TENM3: variants seen among roughly 807,000 people sequenced by gnomAD.
TENM3 encodes teneurin-3.
Under a neutral mutation model 255.1 loss-of-function variants are expected in TENM3, and 63 were observed. That is an observed-to-expected ratio of 0.25 (90% CI 0.20 to 0.30). The LOEUF (loss-of-function observed/expected upper bound fraction) is 0.30. Among genes scored for constraint, TENM3 ranks in the 10% least tolerant of loss-of-function variants. TENM3 has a pLI of 1.00. For missense variants in TENM3, 2,929 were observed against 3,461.1 expected, an observed-to-expected ratio of 0.85 and a Z score of 3.86; for synonymous variants, 1,306 against 1,322.3, an observed-to-expected ratio of 0.99 and a Z score of 0.27.
chr4:181,930,706 A>C, the TENM3 span, among the ~76,000 whole-genome samples: 967 of 152,284 alleles, frequency 6.3e-3, 6 homozygotes, highest in African/African-American at 0.022. Flanking sequence ...TGGCAGACAC[A>C]CAACAAAAAA....
chr4:181,586,248 A>G, the TENM3 span, among the ~76,000 whole-genome samples: 4 of 152,160 alleles, frequency 2.6e-5, no homozygotes, highest in African/African-American at 7.2e-5. Flanking sequence ...TCACGCAGCT[A>G]ATGATCACGA....
intron 1 of TENM3, among the ~76,000 whole-genome samples, chr4:182,216,588 G>A (rs1458524901): frequency 6.6e-5 from 10 of 152,230 alleles, no homozygotes; most frequent in Admixed American, 4.6e-4. Context: ...GGTGATGTAC[G>A]TGTGAGGATA....
chr4:181,720,305 T>A, the TENM3 span, among the ~76,000 whole-genome samples: 1 of 152,222 alleles, frequency 6.6e-6, no homozygotes, highest in South Asian at 2.1e-4. Context: ...GTTATATTTT[T>A]CCCATTAATA....
chr4:182,722,168 T>C (rs1759789196), intron 13 of TENM3, among the ~76,000 whole-genome samples: 1 of 152,202 alleles, frequency 6.6e-6, no homozygotes, highest in Admixed American at 6.5e-5. Context: ...TAATTTCTTC[T>C]AATACTTTTT....
chr4:182,690,424 G>GCTCCATGC (rs888083973), intron 12 of TENM3, among the ~76,000 whole-genome samples: 1 of 152,150 alleles, frequency 6.6e-6, no homozygotes, highest in Non-Finnish European at 1.5e-5. Flanking sequence ...TAACCAAACA[G>GCTCCATGC]CTCCATGCCC....
the TENM3 span, among the ~76,000 whole-genome samples, chr4:181,805,247 A>G: frequency 9.2e-5 from 14 of 151,784 alleles, no homozygotes; most frequent in Non-Finnish European, 1.6e-4. Context: ...TTTAACCTTC[A>G]CGCAAAACCG....
At chr4:182,669,041 T>C (rs1168086444) in intron 6 of TENM3, among the ~76,000 whole-genome samples, 2 of 152,154 alleles carry the variant, frequency 1.3e-5, no homozygotes, top group African/African-American at 2.4e-5. Context: ...GACAATCAAG[T>C]ATCATAGCCT....
At chr4:181,740,045 C>T in the TENM3 span, among the ~76,000 whole-genome samples, 1 of 152,152 alleles carries the variant, frequency 6.6e-6, no homozygotes, top group Non-Finnish European at 1.5e-5. Flanking sequence ...TGTAAACACA[C>T]CTAATCCCCA....
chr4:181,889,436 A>T, the TENM3 span, among the ~76,000 whole-genome samples: 1 of 152,190 alleles, frequency 6.6e-6, no homozygotes, highest in Non-Finnish European at 1.5e-5. Context: ...CTGCAAGCAG[A>T]AATAAATCGC....
chr4:182,351,529 C>G (rs1307231362), intron 3 of TENM3, among the ~76,000 whole-genome samples: 2 of 152,172 alleles, frequency 1.3e-5, no homozygotes, highest in Non-Finnish European at 2.9e-5. Flanking sequence ...CTTCAGCTGC[C>G]TGCCGAGTTC....
chr4:182,272,939 G>A (rs1561268580), intron 1 of TENM3, among the ~76,000 whole-genome samples: 1 of 152,146 alleles, frequency 6.6e-6, no homozygotes, highest in Non-Finnish European at 1.5e-5. Flanking sequence ...AGTCCTGCAG[G>A]ATCTGGAAGG....
At chr4:182,618,499 C>A (rs1405291427) in intron 4 of TENM3, among the ~76,000 whole-genome samples, 1 of 151,760 alleles carries the variant, frequency 6.6e-6, no homozygotes, top group East Asian at 1.9e-4. Context: ...CCTTGATAAT[C>A]TGATTATCTT....
intron 1 of TENM3, among the ~76,000 whole-genome samples, chr4:182,147,008 T>C (rs1750015161): frequency 6.6e-6 from 1 of 152,130 alleles, no homozygotes; most frequent in Admixed American, 6.5e-5. Context: ...CAAAGAAAGA[T>C]AAGGATGCTT....
At chr4:182,492,646 A>G (rs535884666) in intron 3 of TENM3, among the ~76,000 whole-genome samples, 8 of 152,252 alleles carry the variant, frequency 5.3e-5, no homozygotes, top group African/African-American at 1.9e-4. Flanking sequence ...ATCACTGCAC[A>G]TTTGTTCCTA....
chr4:182,136,296 C>T, the TENM3 span, among the ~76,000 whole-genome samples: 1 of 152,188 alleles, frequency 6.6e-6, no homozygotes, highest in South Asian at 2.1e-4. Flanking sequence ...AAAATTCTTG[C>T]CCCGTCACTT....
chr4:181,519,352 C>T, the TENM3 span, among the ~76,000 whole-genome samples: 1 of 152,308 alleles, frequency 6.6e-6, no homozygotes, highest in Non-Finnish European at 1.5e-5. Flanking sequence ...TTTACTCTTT[C>T]CTCTCTGAAA....
rs201481770 is a variant in TENM3, at chr4:182,737,064, C to T, written c.3224C>T (p.Ser1075Phe). ...TATAATCAGAAAGTCTATGGTCTAT[C>T]TGAAGCTGTTGGTAAGTTCCATATA... Reference protein sequence around the residue: ...DAYNQKVYGLSEAVVSVGYEY... With the variant: ...DAYNQKVYGLFEAVVSVGYEY... Residue 1075 changes from serine to phenylalanine, a missense_variant, in exon 17 of 28, where the codon TCT becomes TTT. Physicochemically the swap from Ser to Phe is radical, Grantham distance 155 (BLOSUM62 -2). Around this residue, in one of 6 missense-constraint regions of TENM3, gnomAD observed 1,608 missense variants for 1,884.4 expected, o/e 0.85. Coordinates refer to ENST00000511685, the MANE Select transcript of TENM3 (RefSeq NM_001080477.4). The T allele has an allele frequency of 1.4e-4, 223 of 1,612,764 alleles. No individual in the cohort carries two copies. Among genetic ancestry groups the T allele is most frequent in the Non-Finnish European group, 1.8e-4 (217 of 1,179,326 alleles).
At chr4:181,777,128 A>T in the TENM3 span, among the ~76,000 whole-genome samples, 3 of 152,000 alleles carry the variant, frequency 2.0e-5, no homozygotes, top group African/African-American at 7.2e-5. Context: ...TTAAGTATCT[A>T]TTTTCATTCT....
the TENM3 span, among the ~76,000 whole-genome samples, chr4:182,009,841 C>T: frequency 6.6e-6 from 1 of 152,170 alleles, no homozygotes; most frequent in South Asian, 2.1e-4. Flanking sequence ...GGCCTGGGTT[C>T]GCGAGTAGGA....
Sources: gnomAD v4.1 joint callset for allele counts (sites outside exome capture counted in the v4.1 genomes callset) on GRCh38, gnomAD v4.1.1 for gene constraint, gnomAD v4.1.1 regional missense constraint, MANE v1.5 for transcripts, NCBI Gene and HGNC (gene_info 2026-07-23, HGNC 2026-07-21) for gene names.